Variants in ADAMTS6 observed in about 807,000 individuals in gnomAD.
ADAMTS6 encodes the protein A disintegrin and metalloproteinase with thrombospondin motifs 6.
A neutral mutation model predicts 144.3 loss-of-function variants in ADAMTS6; 23 were observed. The observed-to-expected ratio is 0.16, with a 90% CI of 0.11 to 0.23. ADAMTS6 has a LOEUF of 0.23. Ranked by LOEUF, ADAMTS6 falls within the 10% of genes least tolerant of loss-of-function variation. The probability of loss-of-function intolerance (pLI) is 1.00; values close to 1 mark genes in which losing one functional copy is unlikely to be tolerated. For missense variants in ADAMTS6, 999 were observed against 1,379.6 expected, an observed-to-expected ratio of 0.72 and a Z score of 4.37; for synonymous variants, 444 against 457.5, an observed-to-expected ratio of 0.97 and a Z score of 0.38.
intron 22 of ADAMTS6, among the ~76,000 whole-genome samples, chr5:65,178,653 T>A (rs1754133792): frequency 6.6e-6 from 1 of 152,118 alleles, no homozygotes; most frequent in Non-Finnish European, 1.5e-5. Flanking sequence ...CCTGGCCCCA[T>A]GTCTAAGGGC....
intron 14 of ADAMTS6, among the ~76,000 whole-genome samples, chr5:65,257,553 G>C (rs28668482): frequency 6.6e-6 from 1 of 151,970 alleles, no homozygotes; most frequent in African/African-American, 2.4e-5. Flanking sequence ...ATATCCTTAC[G>C]TTTTTCTTGA....
At chr5:65,290,529 C>T (rs1013274401) in intron 11 of ADAMTS6, among the ~76,000 whole-genome samples, 4 of 151,084 alleles carry the variant, frequency 2.6e-5, no homozygotes, top group Non-Finnish European at 4.4e-5. Context: ...CCAGCCTGGG[C>T]GACAGAGCGA....
At chr5:65,410,495 T>C (rs1257247840) in intron 7 of ADAMTS6, among the ~76,000 whole-genome samples, 5 of 152,170 alleles carry the variant, frequency 3.3e-5, no homozygotes, top group African/African-American at 1.2e-4. Flanking sequence ...AATATATGCA[T>C]TACCTCAAAT....
At chr5:65,251,537 C>T (rs533041136) in intron 14 of ADAMTS6, 1 of 152,332 alleles carries the variant, frequency 6.6e-6, no homozygotes, top group South Asian at 2.1e-4. Context: ...TTTGTTCCTA[C>T]TGCAGCTATT....
intron 4 of ADAMTS6, among the ~76,000 whole-genome samples, chr5:65,453,740 T>C (rs1758947896): frequency 6.6e-6 from 1 of 152,244 alleles, no homozygotes; most frequent in Non-Finnish European, 1.5e-5. Flanking sequence ...AGGTTCTCTG[T>C]ATATCTCACT....
chr5:65,179,234 C>A (rs886685663), intron 22 of ADAMTS6, among the ~76,000 whole-genome samples: 1 of 152,200 alleles, frequency 6.6e-6, no homozygotes, highest in Non-Finnish European at 1.5e-5. Flanking sequence ...AAAGTTGCTA[C>A]AGTCCTATTA....
chr5:65,226,884 A>T (rs1216482744), intron 15 of ADAMTS6, among the ~76,000 whole-genome samples: 1 of 152,168 alleles, frequency 6.6e-6, no homozygotes, highest in African/African-American at 2.4e-5. Context: ...TGCCTGGCCA[A>T]GAAAAACAAT....
chr5:65,170,523 A>C (rs1200220154), intron 24 of ADAMTS6, 94 bp downstream of exon 24: 3 of 1,404,106 alleles, frequency 2.1e-6, no homozygotes, highest in Non-Finnish European at 1.9e-6. Context: ...CTCAAACTAC[A>C]CTACAGTAGT....
intron 24 of ADAMTS6, among the ~76,000 whole-genome samples, chr5:65,157,714 C>T (rs1752513601): frequency 6.6e-6 from 1 of 152,168 alleles, no homozygotes; most frequent in African/African-American, 2.4e-5. Context: ...AGTGAGATAG[C>T]AAAGGTTGTG....
intron 20 of ADAMTS6, among the ~76,000 whole-genome samples, chr5:65,199,245 A>C (rs1019097259): frequency 3.9e-5 from 6 of 152,204 alleles, no homozygotes; most frequent in African/African-American, 1.4e-4. Context: ...ACAAAATACA[A>C]CTGATCTGGT....
intron 11 of ADAMTS6, among the ~76,000 whole-genome samples, chr5:65,277,130 T>C (rs992731212): frequency 1.3e-5 from 2 of 152,188 alleles, no homozygotes; most frequent in Non-Finnish European, 2.9e-5. Flanking sequence ...TATGACACTG[T>C]AAATTTGAAT....
intron 7 of ADAMTS6, among the ~76,000 whole-genome samples, chr5:65,365,812 ATCCTATATAAGC>A (rs1318628464): frequency 1.2e-4 from 18 of 152,166 alleles, no homozygotes; most frequent in Non-Finnish European, 1.5e-4. Flanking sequence ...ACTATAAAAC[ATCCTATATAAGC>A]TCTTATTTTA....
chr5:65,255,126 G>A lies in ADAMTS6; in HGVS notation c.1830+5474C>T, dbSNP rs1009432065. ...TTTTGCTTACGAATCTACCTCTCAG[G>A]AGGGGTGACCCTAACCCCATTTTAG... On this transcript the variant is annotated intron_variant, in intron 14 of 24. Transcript: ENST00000381055. 1.1e-4 allele frequency among the ~76,000 whole-genome samples: 16 copies of A among 152,294 alleles called. No individual in the cohort carries two copies. In the East Asian group the frequency reaches 2.3e-3, roughly 22 times the overall value.
rs145955179 is a variant in ADAMTS6, at chr5:65,427,474, A to G, written c.1073+24001T>C. 5.3e-4 allele frequency among the ~76,000 whole-genome samples: 81 copies of G among 152,238 alleles called. No individual in the cohort carries two copies. The East Asian group carries it at 0.015, about 28-fold the overall frequency. On this transcript the variant is annotated intron_variant, in intron 7 of 24. Transcript: ENST00000381055. Reference sequence around the variant, plus strand: ...ATATTATTTGGTATACAGATAAACTAAAATTTAGAATAAAAGCAGATAAAC... The same window carrying G: ...ATATTATTTGGTATACAGATAAACTGAAATTTAGAATAAAAGCAGATAAAC...
At chr5:65,382,989 A>G (rs1752169755) in intron 7 of ADAMTS6, among the ~76,000 whole-genome samples, 1 of 152,172 alleles carries the variant, frequency 6.6e-6, no homozygotes, top group Non-Finnish European at 1.5e-5. Flanking sequence ...GTGTTCTCAT[A>G]TGGTGAAAGG....
chr5:65,459,028 T>C (rs533007518), intron 4 of ADAMTS6, among the ~76,000 whole-genome samples: 4 of 149,498 alleles, frequency 2.7e-5, no homozygotes, highest in Admixed American at 2.6e-4. Flanking sequence ...ATTTTCGTCT[T>C]TTTTTTTTCT....
intron 24 of ADAMTS6, among the ~76,000 whole-genome samples, chr5:65,156,929 C>G (rs773321068): frequency 3.3e-4 from 50 of 152,122 alleles, no homozygotes; most frequent in Non-Finnish European, 6.2e-4. Context: ...TTTTGTAAAC[C>G]TAATTATTCT....
chr5:65,311,843 T>G (rs1744525158), intron 9 of ADAMTS6, among the ~76,000 whole-genome samples: 1 of 152,068 alleles, frequency 6.6e-6, no homozygotes, highest in South Asian at 2.1e-4. Flanking sequence ...TAACAGATGT[T>G]TTCAAACCAA....
rs138116825 is a variant in ADAMTS6 at position 65,206,773 on chromosome 5, A to C, written c.2575+8021T>G. Among the ~76,000 whole-genome samples the C allele has an allele frequency of 1.0e-3, 153 of 151,968 alleles. 2 individuals are homozygous for C. The East Asian group carries it at 0.027, about 27-fold the overall frequency. ...ATAAAAAGAATTTGTCCTAGCTCAA[A>C]AAAAAGAAAGACATAAATATCTTCT... On this transcript the variant is annotated intron_variant, in intron 20 of 24. Coordinates refer to ENST00000381055, the MANE Select transcript of ADAMTS6 (RefSeq NM_197941.4).
Sources: allele counts gnomAD v4.1 joint callset (sites outside exome capture counted in the v4.1 genomes callset), GRCh38; gene constraint gnomAD v4.1.1; transcripts MANE v1.5; gene names NCBI Gene and HGNC (gene_info 2026-07-23, HGNC 2026-07-21).